Variants in PRRC1 observed in about 807,000 individuals in gnomAD.
PRRC1 encodes protein PRRC1.
PRRC1 carries 39 observed loss-of-function variants against 40.7 expected under a neutral mutation model. That is an observed-to-expected ratio of 0.96 (90% CI 0.74 to 1.25). PRRC1 has a LOEUF of 1.25. Ranked by LOEUF, PRRC1 falls within the 50% of genes most tolerant of loss-of-function variation. The pLI is 0.00. For synonymous variants in PRRC1, 175 were observed against 193.3 expected, an observed-to-expected ratio of 0.91 and a Z score of 0.79; for missense variants, 573 against 548.3, an observed-to-expected ratio of 1.05 and a Z score of -0.45.
intron 1 of PRRC1, among the ~76,000 whole-genome samples, chr5:127,518,953 A>G (rs1767387997): frequency 6.6e-6 from 1 of 152,166 alleles, no homozygotes; most frequent in Non-Finnish European, 1.5e-5. Context: ...AGTAGAAGGC[A>G]CTATGTTTAT....
intron 6 of PRRC1, among the ~76,000 whole-genome samples, chr5:127,536,633 A>C (rs1767910744): frequency 6.6e-6 from 1 of 152,084 alleles, no homozygotes; most frequent in Non-Finnish European, 1.5e-5. Flanking sequence ...ATTTCTGTAA[A>C]TTGTGAAGCA....
chr5:127,524,489 C>T (rs1246167987), intron 2 of PRRC1, 42 bp from the exon 3 acceptor site: 3 of 1,519,712 alleles, frequency 2.0e-6, no homozygotes, highest in Non-Finnish European at 2.6e-6. Context: ...AAATAAAAAA[C>T]ATTTCTAATT....
chr5:127,526,555 C>A lies in PRRC1; in HGVS notation c.494-63C>A, dbSNP rs1478877681. 2.2e-6 allele frequency: 3 copies of A among 1,345,700 alleles called. No homozygotes were observed. The African/African-American group carries it at 4.4e-5, about 20-fold the overall frequency. The allele number at this position is 1,345,700 out of a possible 1,614,324, so 83.4% of individuals were successfully genotyped here. A position where few individuals can be genotyped will look rare whatever the true frequency, so the allele number is the denominator to read the frequency against. On this transcript the variant is annotated intron_variant, in intron 3 of 8. Transcript: ENST00000296666. ...TAATATTAAAGTTGTTTGAGCCACT[C>A]CTTTTTATAGGAAAAAGTTTATGGA...
chr5:127,553,025 T>C lies in PRRC1; in HGVS notation c.*1109T>C. On this transcript the variant is annotated 3_prime_UTR_variant, in exon 9 of 9. Coordinates refer to ENST00000296666, the MANE Select transcript of PRRC1 (RefSeq NM_130809.5). ...TATATCATTTTTGGACTTATATAAA[T>C]GATAATTAAATAAATTTTTTTCTTA... The C allele has an allele frequency of 1.3e-6, 1 of 744,096 alleles. No individual in the cohort carries two copies. Among genetic ancestry groups the C allele is most frequent in the Non-Finnish European group, 1.6e-6 (1 of 610,786 alleles). 46.1% of individuals were successfully genotyped at this position (744,096 alleles called of 1,614,324 possible).
Position 127,553,439 on chromosome 5 carries a change from GC to G in PRRC1, c.*1525del. On this transcript the variant is annotated 3_prime_UTR_variant, in exon 9 of 9. Transcript: ENST00000296666. ...AGACAGCACAGAGAGGTTATAGGTTGCCTTGGTGTACTTTTGTCCAGGAGTA... is the reference window on the plus strand; with the variant it reads ...AGACAGCACAGAGAGGTTATAGGTTGCTTGGTGTACTTTTGTCCAGGAGTA... 9.1e-7 allele frequency: 1 copy of G among 1,100,960 alleles called. No individual in the cohort carries two copies. Among genetic ancestry groups the G allele is most frequent in the South Asian group, 2.4e-5 (1 of 41,092 alleles). 68.2% of individuals were successfully genotyped at this position (1,100,960 alleles called of 1,614,324 possible).
intron 5 of PRRC1, 145 bp downstream of exon 5, chr5:127,530,541 CAG>C: frequency 2.0e-6 from 1 of 488,240 alleles, no homozygotes; most frequent in East Asian, 3.3e-5. Context: ...ATTTAATTGT[CAG>C]TCTTATTTTT....
At chr5:127,549,396 A>C (rs532830215) in intron 8 of PRRC1, 1 of 152,224 alleles carries the variant, frequency 6.6e-6, no homozygotes, top group Non-Finnish European at 1.5e-5. Flanking sequence ...TATCCTGACC[A>C]TGAAAAATTT....
rs1345400342 is a variant in PRRC1 at position 127,539,088 on chromosome 5, GAA to G, written c.974_975del (p.Lys325ThrfsTer16). 1.2e-6 allele frequency: 2 copies of G among 1,612,900 alleles called. No homozygotes were observed. Among genetic ancestry groups the G allele is most frequent in the Non-Finnish European group, 1.7e-6 (2 of 1,179,118 alleles). On this transcript the variant is annotated frameshift_variant, in exon 7 of 9. Transcript: ENST00000296666. LOFTEE classifies it high-confidence loss of function. ...DSLRRTGVIH[E>X]KQTAVSVENF... ...CTTGCGTCGAACTGGGGTGATCCAT[GAA>G]AAACAGACAGCTGTGTCAGTAGAAA...
intron 7 of PRRC1, among the ~76,000 whole-genome samples, chr5:127,541,624 T>A (rs1017067063): frequency 2.0e-5 from 3 of 152,226 alleles, no homozygotes; most frequent in Non-Finnish European, 2.9e-5. Flanking sequence ...TATCGAGGAA[T>A]TTATCCATTT....
Position 127,533,745 on chromosome 5 carries a change from A to G in PRRC1, c.880A>G (p.Asn294Asp). 6.2e-7 allele frequency: 1 copy of G among 1,614,122 alleles called. No individual in the cohort carries two copies. Among genetic ancestry groups the G allele is most frequent in the Non-Finnish European group, 8.5e-7 (1 of 1,179,996 alleles). Residue 294 changes from asparagine (N) to aspartate (D), a missense_variant, in exon 6 of 9, where the codon AAT (asparagine) becomes GAT (aspartate). Physicochemically the swap from Asn to Asp is conservative, Grantham distance 23. Transcript: ENST00000296666. ...AVVVGEAGQSNIAPQPVGYAA... is the reference protein window; with the variant it reads ...AVVVGEAGQSDIAPQPVGYAA... ...GGTTGTAGGGGAAGCTGGACAGTCC[A>G]ATATTGCCCCACAACCAGTGGGCTA...
chr5:127,553,789 TTC>T lies in PRRC1; in HGVS notation c.*1874_*1875del. 6.5e-7 allele frequency: 1 copy of T among 1,535,332 alleles called. No homozygotes were observed. Among genetic ancestry groups the T allele is most frequent in the Non-Finnish European group, 8.7e-7 (1 of 1,146,372 alleles). On this transcript the variant is annotated 3_prime_UTR_variant, in exon 9 of 9. Transcript: ENST00000296666. Reference sequence around the variant, plus strand: ...CTCATAGAATCACAAATACTGACATTTCATTAGATGATTATTTTCCTAGAATC... The same window carrying T: ...CTCATAGAATCACAAATACTGACATTATTAGATGATTATTTTCCTAGAATC...
rs116733662 is a variant in PRRC1 at position 127,527,371 on chromosome 5, A to G, written c.654+593A>G. ...AAAATTTTGAAATATAAAACCTTAT[A>G]TTTCAAGAATATAATACATTGTTCC... On this transcript the variant is annotated intron_variant, in intron 4 of 8. Transcript: ENST00000296666. 9.2e-3 allele frequency among the ~76,000 whole-genome samples: 1,400 copies of G among 152,224 alleles called. 16 individuals are homozygous for G. Among genetic ancestry groups the G allele is most frequent in the East Asian group, 0.03 (155 of 5,180 alleles).
intron 6 of PRRC1, among the ~76,000 whole-genome samples, chr5:127,537,865 A>G (rs1382599792): frequency 6.6e-6 from 1 of 152,004 alleles, no homozygotes; most frequent in African/African-American, 2.4e-5. Flanking sequence ...ATCTGTTAAT[A>G]CTGCTTTCAA....
At position 127,524,721 on chromosome 5, in the gene PRRC1, T is replaced by C. The variant is rs763192093; in HGVS notation, c.294T>C (p.Thr98=). Reference sequence around the variant, plus strand: ...TGCCACCTCCTGTTTCTCCATCAACTGCTGCTGCCTTCGGTAATCCTCCTG... The same window carrying C: ...TGCCACCTCCTGTTTCTCCATCAACCGCTGCTGCCTTCGGTAATCCTCCTG... ...TSMPPPVSPS[T]AAAFGNPPVS... Residue 98 remains threonine (T), a synonymous_variant, in exon 3 of 9, where the codon ACT becomes ACC. Transcript: ENST00000296666. 3 of 1,614,048 alleles carry C rather than the reference T, an allele frequency of 1.9e-6. No individual in the cohort carries two copies. Among genetic ancestry groups the C allele is most frequent in the African/African-American group, 2.7e-5 (2 of 74,920 alleles).
rs1768441263 is a variant in PRRC1, at chr5:127,553,342, A to G, written c.*1426A>G. Reference sequence around the variant, plus strand: ...AATATTAAATTTGAATATTAAATATATGTTACTTTCCAAGCACTGTATAAT... The same window carrying G: ...AATATTAAATTTGAATATTAAATATGTGTTACTTTCCAAGCACTGTATAAT... On this transcript the variant is annotated 3_prime_UTR_variant, in exon 9 of 9. Coordinates refer to ENST00000296666, the MANE Select transcript of PRRC1 (RefSeq NM_130809.5). 8 of 984,414 alleles carry G rather than the reference A, an allele frequency of 8.1e-6. No individual in the cohort carries two copies. The highest frequency in any genetic ancestry group is 4.7e-5 in the South Asian group (1 of 21,346). The allele number at this position is 984,414 out of a possible 1,614,324, so 61.0% of individuals were successfully genotyped here.
intron 3 of PRRC1, 39 bp downstream of exon 3, chr5:127,524,959 T>C (rs979555429): frequency 3.6e-5 from 54 of 1,507,618 alleles, no homozygotes; most frequent in Non-Finnish European, 4.6e-5. Context: ...TGGCTATTAA[T>C]TAATGTTTTA....
Position 127,524,734 on chromosome 5 carries a change from G to A in PRRC1, c.307G>A (p.Gly103Ser), listed in dbSNP as rs200497223. The A allele has an allele frequency of 2.9e-4, 469 of 1,613,848 alleles. No individual in the cohort carries two copies. Among genetic ancestry groups the A allele is most frequent in the Middle Eastern group, 1.2e-3 (7 of 6,084 alleles). ...TTCTCCATCAACTGCTGCTGCCTTC[G>A]GTAATCCTCCTGTATCTCACTTCCC... The part of the protein sequence containing the change: ...PVSPSTAAAF[G>S]NPPVSHFPPS... Residue 103 changes from glycine to serine, a missense_variant, in exon 3 of 9, where the codon GGT (glycine) becomes AGT (serine). Coordinates refer to ENST00000296666, the MANE Select transcript of PRRC1 (RefSeq NM_130809.5).
At chr5:127,539,540 G>C (rs1218672644) in intron 7 of PRRC1, among the ~76,000 whole-genome samples, 1 of 152,034 alleles carries the variant, frequency 6.6e-6, no homozygotes, top group African/African-American at 2.4e-5. Flanking sequence ...CTAGTGAGCA[G>C]TATCTCTCCT....
intron 1 of PRRC1, among the ~76,000 whole-genome samples, chr5:127,520,448 G>A (rs987553846): frequency 1.3e-5 from 2 of 152,132 alleles, no homozygotes; most frequent in Non-Finnish European, 2.9e-5. Flanking sequence ...CCTTCAGCAG[G>A]TACATTTATA....
Sources: allele counts gnomAD v4.1 joint callset (sites outside exome capture counted in the v4.1 genomes callset), GRCh38; gene constraint gnomAD v4.1.1; transcripts MANE v1.5; gene names NCBI Gene and HGNC (gene_info 2026-07-23, HGNC 2026-07-21).